NR3C1: variants seen among roughly 807,000 people sequenced by gnomAD.
NR3C1 encodes nuclear receptor subfamily 3 group C member 1.
Under a neutral mutation model 74.0 loss-of-function variants are expected in NR3C1, and 14 were observed. The ratio of observed to expected loss-of-function variants is 0.19; its 90% CI spans 0.12 to 0.30. NR3C1 has a LOEUF of 0.30. Among genes scored for constraint, NR3C1 ranks in the 10% least tolerant of loss-of-function variants. The probability of loss-of-function intolerance (pLI) is 1.00; values close to 1 mark genes in which losing one functional copy is unlikely to be tolerated. For synonymous variants in NR3C1, 308 were observed against 332.5 expected (o/e 0.93, Z 0.80); for missense variants, 695 against 909.8 (o/e 0.76, Z 3.04).
intron 2 of NR3C1, among the ~76,000 whole-genome samples, chr5:143,379,513 T>TACA (rs536589092): frequency 3.9e-4 from 59 of 152,288 alleles, no homozygotes; most frequent in Non-Finnish European, 5.3e-4. Context: ...ACCTGATTCC[T>TACA]ACAACTACTG....
At chr5:143,416,580 C>G (rs766268677) in intron 1 of NR3C1, among the ~76,000 whole-genome samples, 4 of 152,172 alleles carry the variant, frequency 2.6e-5, no homozygotes, top group African/African-American at 9.7e-5. Flanking sequence ...ATTATTCCCC[C>G]TCCTTCTCTT....
chr5:143,366,010 T>C (rs1833111944), intron 2 of NR3C1, among the ~76,000 whole-genome samples: 2 of 152,198 alleles, frequency 1.3e-5, no homozygotes, highest in African/African-American at 4.8e-5. Flanking sequence ...TGAAAGCATA[T>C]ACATTTCTGA....
At chr5:143,375,222 G>GA (rs1834971567) in intron 2 of NR3C1, among the ~76,000 whole-genome samples, 1 of 151,900 alleles carries the variant, frequency 6.6e-6, no homozygotes, top group Non-Finnish European at 1.5e-5. Context: ...ACTTCTAAAA[G>GA]AAAAATGTAA....
At chr5:143,358,833 G>C (rs1831670203) in intron 2 of NR3C1, among the ~76,000 whole-genome samples, 1 of 151,518 alleles carries the variant, frequency 6.6e-6, no homozygotes, top group Non-Finnish European at 1.5e-5. Context: ...CCGGGAGGCA[G>C]AGGTTGTGGT....
chr5:143,307,063 A>ATT (rs1819786414), intron 4 of NR3C1, among the ~76,000 whole-genome samples: 1 of 151,688 alleles, frequency 6.6e-6, no homozygotes, highest in African/African-American at 2.4e-5. Flanking sequence ...CGCCTGGCTA[A>ATT]TTTTTTGTAT....
upstream of NR3C1, chr5:143,404,246 A>G: frequency 5.1e-6 from 5 of 985,232 alleles, no homozygotes; most frequent in Non-Finnish European, 6.0e-6. Flanking sequence ...TGTCACTTCG[A>G]AAGGGGCTAC....
chr5:143,405,742 T>G (rs1841074911), upstream of NR3C1, among the ~76,000 whole-genome samples: 1 of 152,166 alleles, frequency 6.6e-6, no homozygotes, highest in African/African-American at 2.4e-5. Context: ...TGAAGGGCGC[T>G]GAGCAACTCC....
At chr5:143,373,558 C>T (rs1834598583) in intron 2 of NR3C1, among the ~76,000 whole-genome samples, 1 of 151,748 alleles carries the variant, frequency 6.6e-6, no homozygotes, top group Non-Finnish European at 1.5e-5. Context: ...GCATGTATAC[C>T]TACGTAACAA....
chr5:143,359,617 T>G (rs369713976), intron 2 of NR3C1, among the ~76,000 whole-genome samples: 1 of 152,162 alleles, frequency 6.6e-6, no homozygotes, highest in South Asian at 2.1e-4. Flanking sequence ...GATTTGGATT[T>G]TTAAAAATCA....
At position 143,403,333 on chromosome 5, in the gene NR3C1, G is replaced by A. The variant is rs538408177; in HGVS notation, c.-136C>T. ...ATATATTTTTTTTTTCTAAAAAAAGGAAGTAAACAGCCGCCCCTTTCTCCA... is the reference window on the plus strand; with the variant it reads ...ATATATTTTTTTTTTCTAAAAAAAGAAAGTAAACAGCCGCCCCTTTCTCCA... On this transcript the variant is annotated 5_prime_UTR_variant, in exon 1 of 9. Transcript: ENST00000394464. 4.6e-4 allele frequency: 455 copies of A among 985,416 alleles called. 1 individual carries two copies. The Middle Eastern group carries it at 0.012, about 26-fold the overall frequency. 61.0% of individuals were successfully genotyped at this position (985,416 alleles called of 1,614,324 possible).
At chr5:143,354,656 G>A (rs1393761657) in intron 2 of NR3C1, among the ~76,000 whole-genome samples, 1 of 151,936 alleles carries the variant, frequency 6.6e-6, no homozygotes. Context: ...GTAACATCAG[G>A]CTGGCACGGT....
chr5:143,407,904 AT>A (rs1379713876), upstream of NR3C1, among the ~76,000 whole-genome samples: 4 of 152,222 alleles, frequency 2.6e-5, no homozygotes, highest in African/African-American at 9.6e-5. Flanking sequence ...CCAGTATGGT[AT>A]TTAAGATCAT....
In NR3C1 at chr5:143,284,990, CAAA is replaced by C. The variant is rs1562697964; in HGVS notation, c.2024-2268_2024-2266del. Among the ~76,000 whole-genome samples, 3 of 149,150 alleles carry C rather than the reference CAAA, an allele frequency of 2.0e-5. No homozygotes were observed. In the Admixed American group the frequency reaches 2.0e-4, roughly 10 times the overall value. On this transcript the variant is annotated intron_variant, in intron 7 of 8. Coordinates refer to ENST00000394464, the MANE Select transcript of NR3C1 (RefSeq NM_000176.3). ...GACTACTGGAAACGAAGGAGGTACA[CAAA>C]GAAAGGCCTCCAGAAATCTGTACAA...
intron 2 of NR3C1, among the ~76,000 whole-genome samples, chr5:143,371,716 C>A (rs1053818721): frequency 6.6e-6 from 1 of 152,172 alleles, no homozygotes; most frequent in African/African-American, 2.4e-5. Flanking sequence ...GTAGATGATA[C>A]CTTTCTTTCA....
intron 2 of NR3C1, among the ~76,000 whole-genome samples, chr5:143,353,581 C>G (rs995161851): frequency 1.3e-5 from 2 of 152,162 alleles, no homozygotes; most frequent in African/African-American, 4.8e-5. Context: ...TCCATTAGAG[C>G]TCTTGGGTGA....
chr5:143,344,327 A>C (rs573973530), intron 2 of NR3C1, among the ~76,000 whole-genome samples: 96 of 152,340 alleles, frequency 6.3e-4, no homozygotes, highest in African/African-American at 2.1e-3. Flanking sequence ...GAAACCAAAC[A>C]ACCACCACAT....
intron 2 of NR3C1, among the ~76,000 whole-genome samples, chr5:143,320,066 T>TG (rs1300792332): frequency 5.3e-5 from 8 of 152,224 alleles, no homozygotes; most frequent in African/African-American, 1.4e-4. Context: ...TTCTTATCTT[T>TG]GTTCATTAGG....
At chr5:143,293,859 C>A (rs1377455334) in intron 7 of NR3C1, 1 of 953,230 alleles carries the variant, frequency 1.0e-6, no homozygotes, top group Non-Finnish European at 1.2e-6. Flanking sequence ...ACAATTGAAA[C>A]CATTCTTTTT....
chr5:143,314,288 G>A (rs1821611025), intron 2 of NR3C1, 120 bp from the exon 3 acceptor site: 6 of 992,686 alleles, frequency 6.0e-6, no homozygotes, highest in Admixed American at 6.0e-5. Context: ...TCAAGTGCTA[G>A]CAGGCACTAA....
Sources: gnomAD v4.1 joint callset for allele counts (sites outside exome capture counted in the v4.1 genomes callset) on GRCh38, gnomAD v4.1.1 for gene constraint, MANE v1.5 for transcripts, NCBI Gene and HGNC (gene_info 2026-07-23, HGNC 2026-07-21) for gene names.